The following ADCY5 variants were observed in gnomAD, a reference collection of about 807,000 sequenced individuals.
ADCY5 encodes adenylate cyclase 5, also known as adenylate cyclase type 5.
Under a neutral mutation model 119.7 loss-of-function variants are expected in ADCY5, and 30 were observed. The observed-to-expected ratio is 0.25, with a 90% CI of 0.19 to 0.34. ADCY5 has a LOEUF of 0.34. ADCY5 is among the 10% of genes least tolerant of loss of function. ADCY5 has a pLI of 1.00. For synonymous variants in ADCY5, 753 were observed against 762.2 expected, an observed-to-expected ratio of 0.99 and a Z score of 0.20; for missense variants, 1,324 against 1,775.2, an observed-to-expected ratio of 0.75 and a Z score of 4.57.
intron 17 of ADCY5, among the ~76,000 whole-genome samples, chr3:123,293,930 G>A (rs531819701): frequency 4.7e-4 from 71 of 152,258 alleles, no homozygotes; most frequent in Non-Finnish European, 8.8e-4. Flanking sequence ...ACAGATTCCC[G>A]GGCTGGAGCA....
At chr3:123,426,720 G>T (rs542364238) in intron 1 of ADCY5, among the ~76,000 whole-genome samples, 2 of 152,308 alleles carry the variant, frequency 1.3e-5, no homozygotes, top group South Asian at 2.1e-4. Context: ...CAGCCCCTGA[G>T]AAAGGAAGCT....
intron 12 of ADCY5, among the ~76,000 whole-genome samples, chr3:123,308,195 G>C (rs1018092107): frequency 6.6e-6 from 1 of 151,526 alleles, no homozygotes; most frequent in Non-Finnish European, 1.5e-5. Flanking sequence ...CACCACGCCC[G>C]GCTAATTTTG....
chr3:123,396,558 G>GAAAGAA (rs1453795516), intron 1 of ADCY5, among the ~76,000 whole-genome samples: 24 of 120,958 alleles, frequency 2.0e-4, no homozygotes, highest in African/African-American at 7.5e-4. Context: ...GAAAGAAAAA[G>GAAAGAA]AGAAAGAAAG....
At chr3:123,359,203 C>A (rs1040329545) in intron 1 of ADCY5, among the ~76,000 whole-genome samples, 1 of 151,340 alleles carries the variant, frequency 6.6e-6, no homozygotes, top group African/African-American at 2.4e-5. Flanking sequence ...CAGAACTTCC[C>A]GGGGAGCCAG....
intron 1 of ADCY5, among the ~76,000 whole-genome samples, chr3:123,417,885 T>A (rs1014188674): frequency 7.2e-5 from 11 of 152,226 alleles, no homozygotes; most frequent in Non-Finnish European, 1.5e-4. Flanking sequence ...TAAGGTAAGA[T>A]GGCCTGGGAT....
chr3:123,424,268 C>T (rs1945357115), intron 1 of ADCY5, among the ~76,000 whole-genome samples: 1 of 152,246 alleles, frequency 6.6e-6, no homozygotes, highest in African/African-American at 2.4e-5. Context: ...CCTTTGCTCT[C>T]AGATGCTGAG....
At chr3:123,349,640 A>C (rs1485596781) in intron 2 of ADCY5, among the ~76,000 whole-genome samples, 2 of 152,156 alleles carry the variant, frequency 1.3e-5, no homozygotes, top group African/African-American at 2.4e-5. Flanking sequence ...ACTGCAAAGC[A>C]AAGCCCATGT....
chr3:123,296,365 C>A, intron 16 of ADCY5, 149 bp from the exon 17 acceptor site: 1 of 933,014 alleles, frequency 1.1e-6, no homozygotes, highest in Non-Finnish European at 1.6e-6. Context: ...CTTTGCCGCA[C>A]GCGTGCCTCC....
chr3:123,291,914 G>A (rs199825590), intron 17 of ADCY5, among the ~76,000 whole-genome samples: 24 of 152,294 alleles, frequency 1.6e-4, no homozygotes, highest in East Asian at 7.8e-4. Flanking sequence ...ACTTGCCCCA[G>A]AGCCAGATGC....
In ADCY5 at chr3:123,448,281, G is replaced by A. The variant is rs770280288; in HGVS notation, c.265C>T (p.Leu89=). The A allele has an allele frequency of 1.2e-5, 19 of 1,526,222 alleles. No individual in the cohort carries two copies. Among genetic ancestry groups the A allele is most frequent in the Non-Finnish European group, 1.6e-5 (18 of 1,146,456 alleles). The allele number at this position is 1,526,222 out of a possible 1,614,324, so 94.5% of individuals were successfully genotyped here. ...AAGCTGAAGCCGAAGCCCCCGGCCAGGGGGTCGTCACCGCTCAGCGGAGGA... is the reference window on the plus strand; with the variant it reads ...AAGCTGAAGCCGAAGCCCCCGGCCAAGGGGTCGTCACCGCTCAGCGGAGGA... The part of the protein sequence containing the change: ...DDPPLSGDDP[L]AGGFGFSFRS... The change falls in exon 1 of 21, where the codon CTG becomes TTG. Residue 89 remains leucine, a synonymous_variant. Coordinates refer to ENST00000462833, the MANE Select transcript of ADCY5 (RefSeq NM_183357.3).
intron 1 of ADCY5, among the ~76,000 whole-genome samples, chr3:123,365,495 G>C (rs929740751): frequency 1.3e-5 from 2 of 152,190 alleles, no homozygotes; most frequent in Non-Finnish European, 2.9e-5. Context: ...AGGGAAAGCA[G>C]AGTGGCCCCC....
rs370090298 is a variant in ADCY5, at chr3:123,407,926, T to C, written c.1134+39486A>G. On this transcript the variant is annotated intron_variant, in intron 1 of 20. Transcript: ENST00000462833. ...AGGGGAGGAGGAAATTCGGAGTGAC[T>C]ACTAATGGGTATTGGGTTTTCTTTG... Among the ~76,000 whole-genome samples, 10 of 151,940 alleles carry C rather than the reference T, an allele frequency of 6.6e-5. No homozygotes were observed. In the East Asian group the frequency reaches 1.2e-3, roughly 18 times the overall value.
chr3:123,295,279 T>A (rs1939427344), intron 17 of ADCY5, among the ~76,000 whole-genome samples: 1 of 152,112 alleles, frequency 6.6e-6, no homozygotes. Context: ...TGAAGTGGTC[T>A]AGAGATAGGG....
chr3:123,391,385 T>A (rs907040671), intron 1 of ADCY5, among the ~76,000 whole-genome samples: 10 of 152,038 alleles, frequency 6.6e-5, no homozygotes, highest in African/African-American at 1.7e-4. Context: ...GGACGGCAAG[T>A]GCAGCTTGGA....
chr3:123,296,251 GT>G (rs1939498818), intron 16 of ADCY5, 35 bp from the exon 17 acceptor site: 2 of 1,602,544 alleles, frequency 1.2e-6, no homozygotes, highest in South Asian at 2.2e-5. Flanking sequence ...TGAGACGGCC[GT>G]GGCTCCTCAC....
At chr3:123,344,923 C>T (rs1170373874) in intron 3 of ADCY5, among the ~76,000 whole-genome samples, 1 of 152,224 alleles carries the variant, frequency 6.6e-6, no homozygotes, top group Non-Finnish European at 1.5e-5. Flanking sequence ...TCGTCTCTGT[C>T]CCCATGAAAA....
intron 3 of ADCY5, among the ~76,000 whole-genome samples, chr3:123,346,088 T>A (rs959607721): frequency 5.9e-5 from 9 of 152,218 alleles, no homozygotes; most frequent in Non-Finnish European, 1.5e-5. Flanking sequence ...AGTGAGTAGA[T>A]GAACGCACGT....
chr3:123,440,004 A>G (rs1393298508), intron 1 of ADCY5, among the ~76,000 whole-genome samples: 1 of 152,182 alleles, frequency 6.6e-6, no homozygotes, highest in Non-Finnish European at 1.5e-5. Flanking sequence ...TAGGATTACA[A>G]CCCACCAAAA....
intron 1 of ADCY5, among the ~76,000 whole-genome samples, chr3:123,416,731 G>T (rs1945192332): frequency 6.6e-6 from 1 of 152,170 alleles, no homozygotes; most frequent in Admixed American, 6.5e-5. Context: ...CTCCCTCACT[G>T]CCCCATTACG....
Sources: gnomAD v4.1 joint callset for allele counts (sites outside exome capture counted in the v4.1 genomes callset) on GRCh38, gnomAD v4.1.1 for gene constraint, MANE v1.5 for transcripts, NCBI Gene and HGNC (gene_info 2026-07-23, HGNC 2026-07-21) for gene names.